The following PCDH11Y variants were observed in gnomAD, a reference collection of about 807,000 sequenced individuals.
PCDH11Y encodes the protein protocadherin 11 Y-linked.
For missense variants in PCDH11Y, 12 were observed against 224.8 expected (o/e 0.05, Z 6.05); for synonymous variants, 9 against 83.6 (o/e 0.11, Z 4.87).
At chrY:5,655,423 C>T (rs2124706620) in intron 4 of PCDH11Y, among the ~76,000 whole-genome samples, 1 of 32,773 alleles carries the variant, frequency 3.1e-5, no homozygotes, top group South Asian at 6.8e-4. Context: ...TTAGTACTTA[C>T]GATTGCATTA....
At chrY:5,639,672 AT>A (rs869129015) in intron 4 of PCDH11Y, among the ~76,000 whole-genome samples, 56 of 14,616 alleles carry the variant, frequency 3.8e-3, no homozygotes, top group East Asian at 0.01. Context: ...TGGCTGTGGC[AT>A]TTTTTTTTTT....
chrY:5,447,504 A>G, intron 2 of PCDH11Y, among the ~76,000 whole-genome samples: 2 of 31,506 alleles, frequency 6.3e-5, no homozygotes, highest in African/African-American at 1.2e-4. Context: ...AGAGCTGACA[A>G]TTGATGCCTG....
downstream of PCDH11Y, among the ~76,000 whole-genome samples, chrY:5,109,973 G>C: frequency 9.0e-5 from 3 of 33,425 alleles, no homozygotes; most frequent in Non-Finnish European, 2.2e-4. Flanking sequence ...CATTTCATTA[G>C]ATTTCAGGTA....
At chrY:5,355,220 C>A in intron 2 of PCDH11Y, among the ~76,000 whole-genome samples, 1 of 28,122 alleles carries the variant, frequency 3.6e-5, no homozygotes, top group Non-Finnish European at 8.3e-5. Context: ...GAGATTGCGC[C>A]ATTGCACTCC....
chrY:5,140,528 G>A, intron 2 of PCDH11Y, among the ~76,000 whole-genome samples: 1 of 30,900 alleles, frequency 3.2e-5, no homozygotes. Flanking sequence ...CCAACACAGT[G>A]TATATGTGCT....
At chrY:5,505,595 T>C in intron 3 of PCDH11Y, among the ~76,000 whole-genome samples, 3 of 33,294 alleles carry the variant, frequency 9.0e-5, no homozygotes, top group Non-Finnish European at 2.3e-4. Flanking sequence ...ATTATATGTT[T>C]AAAATAAAGA....
At chrY:5,148,837 G>A (rs2052860770) in intron 2 of PCDH11Y, among the ~76,000 whole-genome samples, 45 of 32,068 alleles carry the variant, frequency 1.4e-3, no homozygotes, top group African/African-American at 5.4e-3. Context: ...AGGTTGTATG[G>A]GTACTCAAAG....
At chrY:5,384,149 A>C in intron 2 of PCDH11Y, among the ~76,000 whole-genome samples, 1 of 33,135 alleles carries the variant, frequency 3.0e-5, no homozygotes, top group Admixed American at 2.8e-4. Flanking sequence ...AATATTATAG[A>C]AGAACATATG....
intron 2 of PCDH11Y, among the ~76,000 whole-genome samples, chrY:5,120,192 G>A: frequency 3.0e-5 from 1 of 32,946 alleles, no homozygotes; most frequent in Non-Finnish European, 7.4e-5. Flanking sequence ...ACAGGATCAT[G>A]AGGAGTAAAT....
At chrY:5,501,775 C>CACATTTGG (rs2053354435) in intron 3 of PCDH11Y, among the ~76,000 whole-genome samples, 20 of 27,446 alleles carry the variant, frequency 7.3e-4, no homozygotes, top group African/African-American at 2.7e-3. Context: ...GAAAGGTATT[C>CACATTTGG]ACATTTGGTC....
intron 2 of PCDH11Y, among the ~76,000 whole-genome samples, chrY:5,262,897 T>A: frequency 4.6e-4 from 15 of 32,383 alleles, no homozygotes; most frequent in Non-Finnish European, 2.3e-4. Context: ...GTCCCCATGC[T>A]GTGTACAGCC....
chrY:5,676,978 G>C, intron 4 of PCDH11Y, among the ~76,000 whole-genome samples: 1 of 32,147 alleles, frequency 3.1e-5, no homozygotes, highest in South Asian at 7.2e-4. Flanking sequence ...CAGTGCACCA[G>C]TACCTTGGTA....
chrY:5,148,583 T>C (rs2052860517), intron 2 of PCDH11Y, among the ~76,000 whole-genome samples: 1 of 31,969 alleles, frequency 3.1e-5, no homozygotes, highest in Non-Finnish European at 7.6e-5. Context: ...ATACAGATGC[T>C]CCTCAACTTA....
At chrY:5,316,010 G>A (rs2053106619) in intron 2 of PCDH11Y, among the ~76,000 whole-genome samples, 2 of 32,960 alleles carry the variant, frequency 6.1e-5, no homozygotes, top group Non-Finnish European at 1.5e-4. Flanking sequence ...TACCAAAAGA[G>A]TCAAACTCTC....
intron 2 of PCDH11Y, among the ~76,000 whole-genome samples, chrY:5,295,377 T>G: frequency 9.1e-5 from 3 of 32,798 alleles, no homozygotes; most frequent in African/African-American, 3.6e-4. Context: ...CCAGTAACTC[T>G]TTTTTGTTGT....
intron 2 of PCDH11Y, among the ~76,000 whole-genome samples, chrY:5,388,875 C>G (rs2053218977): frequency 3.0e-5 from 1 of 33,797 alleles, no homozygotes; most frequent in Non-Finnish European, 7.3e-5. Context: ...ATGTTGCCAT[C>G]AAGAATTATT....
chrY:5,180,567 T>A, intron 2 of PCDH11Y, among the ~76,000 whole-genome samples: 1 of 34,016 alleles, frequency 2.9e-5, no homozygotes, highest in Non-Finnish European at 7.3e-5. Context: ...TAAGTCTCTT[T>A]TTACATCTCT....
chrY:5,214,554 G>A (rs2052943573), intron 2 of PCDH11Y, among the ~76,000 whole-genome samples: 21 of 32,712 alleles, frequency 6.4e-4, no homozygotes, highest in Admixed American at 4.2e-3. Context: ...TGTTCAAATA[G>A]ATTAAATATG....
intron 2 of PCDH11Y, among the ~76,000 whole-genome samples, chrY:5,387,738 A>T (rs2053217440): frequency 3.3e-5 from 1 of 30,363 alleles, no homozygotes; most frequent in Non-Finnish European, 7.9e-5. Context: ...TCCCAAGAGG[A>T]TATCCCCTTT....
Sources: gnomAD v4.1 joint callset for allele counts (sites outside exome capture counted in the v4.1 genomes callset) on GRCh38, gnomAD v4.1.1 for gene constraint, MANE v1.5 for transcripts, NCBI Gene and HGNC (gene_info 2026-07-23, HGNC 2026-07-21) for gene names.